The following MEPCE variants were observed in gnomAD, a reference collection of about 807,000 sequenced individuals.
MEPCE encodes the protein methylphosphate capping enzyme, also known as 7SK snRNA methylphosphate capping enzyme.
MEPCE carries 9 observed loss-of-function variants against 52.3 expected under a neutral mutation model. The observed-to-expected ratio is 0.17, with a 90% CI of 0.10 to 0.30. The LOEUF is 0.30. MEPCE is among the 10% of genes least tolerant of loss of function. The probability of loss-of-function intolerance (pLI) is 1.00; values close to 1 mark genes in which losing one functional copy is unlikely to be tolerated. For synonymous variants in MEPCE, 477 were observed against 401.6 expected (o/e 1.19, Z -2.25); for missense variants, 826 against 933.0 (o/e 0.89, Z 1.49).
chr7:100,431,279 T>G lies in MEPCE; in HGVS notation c.1261T>G (p.Tyr421Asp). Residue 421 changes from tyrosine to aspartate, a missense_variant, in exon 1 of 4, where the codon TAC (tyrosine) becomes GAC (aspartate). Tyr to Asp is a radical substitution (Grantham distance 160). This residue lies in a region of MEPCE where 307 missense variants were observed against 292.1 expected (regional missense o/e 1.05). Coordinates refer to ENST00000310512, the MANE Select transcript of MEPCE (RefSeq NM_019606.6). ...GTTCCAGTATGGGAATTATTGCAAA[T>G]ACTATGGGTACCGCAATCCTTCCTG... ...RKFQYGNYCK[Y>D]YGYRNPSCED... The G allele has an allele frequency of 6.2e-7, 1 of 1,614,092 alleles. No homozygotes were observed. Among genetic ancestry groups the G allele is most frequent in the Non-Finnish European group, 8.5e-7 (1 of 1,180,026 alleles).
In MEPCE at chr7:100,432,957, C is replaced by A. The variant is rs1798764218; in HGVS notation, c.1710C>A (p.Ala570=). 2 of 1,613,882 alleles carry A rather than the reference C, an allele frequency of 1.2e-6. No homozygotes were observed. The highest frequency in any genetic ancestry group is 2.7e-5 in the African/African-American group (2 of 74,924). Residue 570 remains alanine, a synonymous_variant, in exon 2 of 4, where the codon GCC becomes GCA. Transcript: ENST00000310512. ...YVLDRDDLVE[A]QTPEYDVVLC... ...TGGATCGAGATGACCTGGTGGAGGCCCAAACACCTGAGTATGATGTGGTGC... is the reference window on the plus strand; with the variant it reads ...TGGATCGAGATGACCTGGTGGAGGCACAAACACCTGAGTATGATGTGGTGC...
In MEPCE at chr7:100,432,937, C is replaced by G; in HGVS notation, c.1690C>G (p.Arg564Gly). The G allele has an allele frequency of 1.9e-6, 3 of 1,613,968 alleles. No homozygotes were observed. The highest frequency in any genetic ancestry group is 2.2e-5 in the East Asian group (1 of 44,886). Residue 564 changes from arginine to glycine, a missense_variant, in exon 2 of 4, where the codon CGA becomes GGA. This residue lies in a region of MEPCE where 107 missense variants were observed against 157.9 expected (regional missense o/e 0.68). Coordinates refer to ENST00000310512, the MANE Select transcript of MEPCE (RefSeq NM_019606.6). ...CCCTCAGGGTAATTATGTGCTGGAT[C>G]GAGATGACCTGGTGGAGGCCCAAAC... ...VFVTGNYVLD[R>G]DDLVEAQTPE...
At position 100,433,861 on chromosome 7, in the gene MEPCE, A is replaced by G; in HGVS notation, c.*307A>G. On this transcript the variant is annotated 3_prime_UTR_variant, in exon 4 of 4. Coordinates refer to ENST00000310512, the MANE Select transcript of MEPCE (RefSeq NM_019606.6). ...GGCATGGGAGGTGGGAGGATATCAA[A>G]TTCTCTAGCCCTTTCCTCCTATTCT... 1 of 438,856 alleles carries G rather than the reference A, an allele frequency of 2.3e-6. No homozygotes were observed. Among genetic ancestry groups the G allele is most frequent in the Non-Finnish European group, 4.1e-6 (1 of 244,372 alleles). The allele number at this position is 438,856 out of a possible 1,614,324, so 27.2% of individuals were successfully genotyped here.
Position 100,433,258 on chromosome 7 carries a change from C to G in MEPCE, c.1891-5C>G, listed in dbSNP as rs759091141. ...GCTGAAGTGGTCCCTTGCCTCTCTCCTTAGGAAACGATCTACAAGAACTAC... is the reference window on the plus strand; with the variant it reads ...GCTGAAGTGGTCCCTTGCCTCTCTCGTTAGGAAACGATCTACAAGAACTAC... On this transcript the variant is annotated splice_polypyrimidine_tract_variant and splice_region_variant and intron_variant, in intron 2 of 3. Transcript: ENST00000310512. 7.4e-6 allele frequency: 12 copies of G among 1,614,048 alleles called. No individual in the cohort carries two copies.
chr7:100,430,638 G>A lies in MEPCE; in HGVS notation c.620G>A (p.Arg207His), dbSNP rs766339163. 1 of 1,613,614 alleles carries A rather than the reference G, an allele frequency of 6.2e-7. No individual in the cohort carries two copies. The highest frequency in any genetic ancestry group is 2.2e-5 in the East Asian group (1 of 44,876). The change falls in exon 1 of 4, where the codon CGC becomes CAC. Residue 207 changes from arginine (R) to histidine (H), a missense_variant. Physicochemically the swap from Arg to His is conservative, Grantham distance 29. Transcript: ENST00000310512. ...LNSLLDEEVSRTLNAETPKSS... is the reference protein window; with the variant it reads ...LNSLLDEEVSHTLNAETPKSS... ...AGCCTCCTGGATGAGGAAGTGAGCCGCACTCTCAACGCGGAGACCCCTAAG... is the reference window on the plus strand; with the variant it reads ...AGCCTCCTGGATGAGGAAGTGAGCCACACTCTCAACGCGGAGACCCCTAAG...
rs775606274 is a variant in MEPCE, at chr7:100,430,868, G to C, written c.850G>C (p.Val284Leu). 21 of 1,608,944 alleles carry C rather than the reference G, an allele frequency of 1.3e-5. No homozygotes were observed. Among genetic ancestry groups the C allele is most frequent in the African/African-American group, 5.3e-5 (4 of 74,940 alleles). Residue 284 changes from valine to leucine, a missense_variant, in exon 1 of 4, where the codon GTG becomes CTG. Val to Leu is a conservative substitution (Grantham distance 32). Coordinates refer to ENST00000310512, the MANE Select transcript of MEPCE (RefSeq NM_019606.6). ...QAAGGSESHP[V>L]PPTAPLTPLL... is the part of the protein sequence containing the mutation. Reference sequence around the variant, plus strand: ...AGCCGGAGGGAGTGAGAGTCACCCCGTGCCGCCCACAGCCCCTCTCACCCC... The same window carrying C: ...AGCCGGAGGGAGTGAGAGTCACCCCCTGCCGCCCACAGCCCCTCTCACCCC...
chr7:100,429,231 G>C (rs933338504), upstream of MEPCE: 3 of 152,188 alleles, frequency 2.0e-5, no homozygotes, highest in Non-Finnish European at 4.4e-5. Flanking sequence ...CCGCCCCTCC[G>C]GATCGCGCTG....
At chr7:100,432,827 C>G (rs1798758996) in intron 1 of MEPCE, 92 bp from the exon 2 acceptor site, 1 of 1,157,140 alleles carries the variant, frequency 8.6e-7, no homozygotes, top group Non-Finnish European at 1.3e-6. Context: ...TAAAGTGAGG[C>G]CGCGGGACTG....
chr7:100,428,907 T>A (rs1798288828), upstream of MEPCE: 1 of 152,176 alleles, frequency 6.6e-6, no homozygotes, highest in Non-Finnish European at 1.5e-5. Context: ...CGTCTCCAGG[T>A]GATTGCGATT....
At chr7:100,429,199 C>T (rs1292845096), upstream of MEPCE, among the ~76,000 whole-genome samples, 3 of 152,066 alleles carry the variant, frequency 2.0e-5, no homozygotes, top group South Asian at 2.1e-4. Flanking sequence ...AATTCATGAG[C>T]CCCGCCCTTC....
Position 100,430,937 on chromosome 7 carries a change from G to A in MEPCE, c.919G>A (p.Gly307Ser). The stretch of plus-strand genomic sequence containing the variant: ...CGCCTCACAGCAGCCGCGGCACAGG[G>A]GCCAGAACCGGGATGCCCCCCAACC... ...EGASQQPRHR[G>S]QNRDAPQPYE... The change falls in exon 1 of 4, where the codon GGC (glycine) becomes AGC (serine). Residue 307 changes from glycine (G) to serine (S), a missense_variant. Around this residue, in one of 7 missense-constraint regions of MEPCE, gnomAD observed 307 missense variants for 292.1 expected, o/e 1.05. Transcript: ENST00000310512. 1 of 1,608,596 alleles carries A rather than the reference G, an allele frequency of 6.2e-7. No individual in the cohort carries two copies.
chr7:100,433,622 A>C lies in MEPCE; in HGVS notation c.*68A>C. On this transcript the variant is annotated 3_prime_UTR_variant, in exon 4 of 4. Transcript: ENST00000310512. Reference sequence around the variant, plus strand: ...CTCATAAGGACCTGGGGGAAGAGGAAAGTGTCCCAAGGTCTTTCCTTTCTG... The same window carrying C: ...CTCATAAGGACCTGGGGGAAGAGGACAGTGTCCCAAGGTCTTTCCTTTCTG... The C allele has an allele frequency of 1.4e-6, 2 of 1,472,194 alleles. No individual in the cohort carries two copies. Among genetic ancestry groups the C allele is most frequent in the Non-Finnish European group, 1.9e-6 (2 of 1,059,892 alleles). The allele number at this position is 1,472,194 out of a possible 1,614,324, so 91.2% of individuals were successfully genotyped here.
At position 100,430,576 on chromosome 7, in the gene MEPCE, C is replaced by G. The variant is rs144659071; in HGVS notation, c.558C>G (p.Leu186=). The part of the protein sequence containing the change: ...DCDSVLPSNF[L]LGGNIFDPLN... ...ACTCTGTGTTACCCTCCAACTTCCT[C>G]CTGGGGGGCAATATCTTTGATCCCC... is the stretch of plus-strand genomic sequence containing the variant. The change falls in exon 1 of 4, where the codon CTC becomes CTG. Residue 186 remains leucine (L), a synonymous_variant. Transcript: ENST00000310512. 6.2e-7 allele frequency: 1 copy of G among 1,603,768 alleles called. No individual in the cohort carries two copies.
At position 100,430,892 on chromosome 7, in the gene MEPCE, C is replaced by T. The variant is rs1310998110; in HGVS notation, c.874C>T (p.Pro292Ser). 1.9e-6 allele frequency: 3 copies of T among 1,609,608 alleles called. No individual in the cohort carries two copies. Among genetic ancestry groups the T allele is most frequent in the African/African-American group, 2.7e-5 (2 of 74,998 alleles). Reference sequence around the variant, plus strand: ...CGTGCCGCCCACAGCCCCTCTCACCCCCTTACTCCACGGGGAGGGCGCCTC... The same window carrying T: ...CGTGCCGCCCACAGCCCCTCTCACCTCCTTACTCCACGGGGAGGGCGCCTC... ...HPVPPTAPLT[P>S]LLHGEGASQQ... The change falls in exon 1 of 4, where the codon CCC becomes TCC. Residue 292 changes from proline (P) to serine (S), a missense_variant. Pro to Ser is a moderately conservative substitution (Grantham distance 74). Around this residue, in one of 7 missense-constraint regions of MEPCE, gnomAD observed 307 missense variants for 292.1 expected, o/e 1.05. Transcript: ENST00000310512.
rs142550843 is a variant in MEPCE at position 100,433,568 on chromosome 7, CAG to C, written c.*16_*17del. The C allele has an allele frequency of 5.5e-3, 8,875 of 1,612,232 alleles. 441 individuals are homozygous for C. In the African/African-American group the frequency reaches 0.1, roughly 18 times the overall value. On this transcript the variant is annotated 3_prime_UTR_variant, in exon 4 of 4. Transcript: ENST00000310512. Reference sequence around the variant, plus strand: ...CCCAGCCACTAAGTGGCCCCCTAAACAGAAAGTGTGAAGAGGCTGCCCTCGCT... The same window carrying C: ...CCCAGCCACTAAGTGGCCCCCTAAACAAAGTGTGAAGAGGCTGCCCTCGCT...
In MEPCE at chr7:100,429,855, G is replaced by A. The variant is rs543281389; in HGVS notation, c.-164G>A. 9.2e-5 allele frequency: 48 copies of A among 521,686 alleles called. No individual in the cohort carries two copies. The highest frequency in any genetic ancestry group is 9.0e-4 in the African/African-American group (46 of 50,956). 32.3% of individuals were successfully genotyped at this position (521,686 alleles called of 1,614,324 possible). A position where few individuals can be genotyped will look rare whatever the true frequency, so the allele number is the denominator to read the frequency against. ...CCTCTTGTTTTGGTCTCGCGGGCTA[G>A]TAGGGCGCACTTGGCGGGGAGGCGC... On this transcript the variant is annotated 5_prime_UTR_variant, in exon 1 of 4. Coordinates refer to ENST00000310512, the MANE Select transcript of MEPCE (RefSeq NM_019606.6).
chr7:100,431,249 C>T lies in MEPCE; in HGVS notation c.1231C>T (p.Arg411Cys), dbSNP rs972534929. ...TGCAGCAGGCTTCAAAAAGCAACAG[C>T]GCAAGTTCCAGTATGGGAATTATTG... ...LPAAGFKKQQ[R>C]KFQYGNYCKY... The change falls in exon 1 of 4, where the codon CGC becomes TGC. Residue 411 changes from arginine (R) to cysteine (C), a missense_variant. This residue lies in a region of MEPCE where 307 missense variants were observed against 292.1 expected (regional missense o/e 1.05). Transcript: ENST00000310512. 5.6e-6 allele frequency: 9 copies of T among 1,613,984 alleles called. No homozygotes were observed. Among genetic ancestry groups the T allele is most frequent in the East Asian group, 2.2e-5 (1 of 44,904 alleles).
Position 100,430,860 on chromosome 7 carries a change from G to C in MEPCE, c.842G>C (p.Ser281Thr). Reference protein sequence around the residue: ...QQQQAAGGSESHPVPPTAPLT... With the variant: ...QQQQAAGGSETHPVPPTAPLT... ...CAGCAGGCAGCCGGAGGGAGTGAGA[G>C]TCACCCCGTGCCGCCCACAGCCCCT... Residue 281 changes from serine to threonine, a missense_variant, in exon 1 of 4, where the codon AGT (serine) becomes ACT (threonine). Around this residue, in one of 7 missense-constraint regions of MEPCE, gnomAD observed 307 missense variants for 292.1 expected, o/e 1.05. Coordinates refer to ENST00000310512, the MANE Select transcript of MEPCE (RefSeq NM_019606.6). 6.2e-7 allele frequency: 1 copy of C among 1,609,874 alleles called. No homozygotes were observed. The highest frequency in any genetic ancestry group is 8.5e-7 in the Non-Finnish European group (1 of 1,177,346).
chr7:100,431,188 T>A lies in MEPCE; in HGVS notation c.1170T>A (p.Ser390Arg). Reference protein sequence around the residue: ...GQGSKEKGRGSWGGRHHHHHP... With the variant: ...GQGSKEKGRGRWGGRHHHHHP... ...GTTCCAAGGAAAAGGGCCGAGGGAG[T>A]TGGGGAGGCCGCCACCACCACCACC... Residue 390 changes from serine to arginine, a missense_variant, in exon 1 of 4, where the codon AGT becomes AGA. By Grantham distance (110) the Ser-to-Arg change is moderately radical. Around this residue, in one of 7 missense-constraint regions of MEPCE, gnomAD observed 307 missense variants for 292.1 expected, o/e 1.05. Coordinates refer to ENST00000310512, the MANE Select transcript of MEPCE (RefSeq NM_019606.6). 6.2e-7 allele frequency: 1 copy of A among 1,612,870 alleles called. No individual in the cohort carries two copies. Among genetic ancestry groups the A allele is most frequent in the Non-Finnish European group, 8.5e-7 (1 of 1,179,736 alleles).
Sources: gnomAD v4.1 joint callset for allele counts (sites outside exome capture counted in the v4.1 genomes callset) on GRCh38, gnomAD v4.1.1 for gene constraint, gnomAD v4.1.1 regional missense constraint, MANE v1.5 for transcripts, NCBI Gene and HGNC (gene_info 2026-07-23, HGNC 2026-07-21) for gene names.